PKHD1: variants seen among roughly 807,000 people sequenced by gnomAD.
The protein encoded by PKHD1 is PKHD1 ciliary IPT domain containing fibrocystin/polyductin, also known as fibrocystin.
In PKHD1, 291 loss-of-function variants were observed where a neutral mutation model predicts 412.0. The observed-to-expected ratio is 0.71, with a 90% CI of 0.64 to 0.78. The LOEUF is 0.78. Ranked by LOEUF, PKHD1 falls within the 30% of genes least tolerant of loss-of-function variation. PKHD1 has a pLI of 0.00. For missense variants in PKHD1, 4,825 were observed against 4,950.7 expected (o/e 0.97, Z 0.76); for synonymous variants, 1,777 against 1,821.5 (o/e 0.98, Z 0.62).
In PKHD1 at chr6:52,048,573, C is replaced by T; in HGVS notation, c.2326G>A (p.Val776Met). ...GTCCGCTGTCGTCTCTGTGTCGTCA[C>T]CAGGACCAGTCCAGATCCCTCTTCT... is the stretch of plus-strand genomic sequence containing the variant. ...GTEEGSGLVLVTTQRRQRTSP... is the reference protein window; with the variant it reads ...GTEEGSGLVLMTTQRRQRTSP... Residue 776 changes from valine (V) to methionine (M), a missense_variant, in exon 23 of 67, where the codon GTG becomes ATG. Transcript: ENST00000371117. 5 of 1,614,100 alleles carry T rather than the reference C, an allele frequency of 3.1e-6. No individual in the cohort carries two copies. Among genetic ancestry groups the T allele is most frequent in the Non-Finnish European group, 4.2e-6 (5 of 1,179,962 alleles).
At chr6:51,670,339 A>G (rs1774706083) in intron 60 of PKHD1, among the ~76,000 whole-genome samples, 1 of 151,988 alleles carries the variant, frequency 6.6e-6, no homozygotes, top group African/African-American at 2.4e-5. Flanking sequence ...GTTGGTTTAA[A>G]GTCTGTTTTA....
At chr6:51,735,666 C>T (rs1783748433) in intron 60 of PKHD1, among the ~76,000 whole-genome samples, 2 of 151,924 alleles carry the variant, frequency 1.3e-5, no homozygotes, top group Non-Finnish European at 2.9e-5. Flanking sequence ...TGACTCATGC[C>T]CATAATTGCA....
chr6:51,694,498 C>T (rs1489273912), intron 60 of PKHD1, among the ~76,000 whole-genome samples: 2 of 150,790 alleles, frequency 1.3e-5, no homozygotes, highest in Admixed American at 6.6e-5. Context: ...ATTCTCCTGC[C>T]TCAGCCTCCC....
chr6:51,960,066 G>C, intron 35 of PKHD1, 40 bp from the exon 36 acceptor site: 1 of 1,607,750 alleles, frequency 6.2e-7, no homozygotes, highest in Non-Finnish European at 8.5e-7. Flanking sequence ...TGGTTGGTTG[G>C]TTGGCTGGTC....
chr6:51,901,089 C>T (rs775792173), intron 43 of PKHD1, among the ~76,000 whole-genome samples: 2 of 152,194 alleles, frequency 1.3e-5, no homozygotes, highest in Middle Eastern at 6.8e-3. Context: ...ACTAGTTCAA[C>T]CATTGTGGAA....
At chr6:51,922,549 A>AGAG (rs1256586174) in intron 37 of PKHD1, among the ~76,000 whole-genome samples, 1 of 152,208 alleles carries the variant, frequency 6.6e-6, no homozygotes, top group Non-Finnish European at 1.5e-5. Context: ...CCCGAGAGGT[A>AGAG]GAGTCTACAG....
In PKHD1 at chr6:52,066,058, T is replaced by G. The variant is rs752452008; in HGVS notation, c.798A>C (p.Pro266=). ...QTHSEILSVF[P]ETGSLGGRTN... is the part of the protein sequence containing the mutation. ...TTCTTCCCCCAAGGCTCCCAGTTTC[T>G]GGAAACACAGATAATATTTCTGCAA... The change falls in exon 12 of 67, where the codon CCA becomes CCC. Residue 266 remains proline, a synonymous_variant. Transcript: ENST00000371117. The G allele has an allele frequency of 6.4e-7, 1 of 1,573,906 alleles. No individual in the cohort carries two copies. The highest frequency in any genetic ancestry group is 2.2e-5 in the East Asian group (1 of 44,550).
At position 51,843,533 on chromosome 6, in the gene PKHD1, C is replaced by T. The variant is rs1158252739; in HGVS notation, c.8107+4242G>A. Among the ~76,000 whole-genome samples the T allele has an allele frequency of 3.3e-5, 5 of 152,180 alleles. No individual in the cohort carries two copies. In the East Asian group the frequency reaches 7.7e-4, roughly 24 times the overall value. ...GCAGTGGGAAACTGGCTCTGTAAGG[C>T]AAAGACATGAGCAGTCAGGGCATCA... On this transcript the variant is annotated intron_variant, in intron 50 of 66. Transcript: ENST00000371117.
intron 29 of PKHD1, among the ~76,000 whole-genome samples, chr6:52,031,093 C>T (rs563667310): frequency 2.6e-5 from 4 of 152,338 alleles, no homozygotes; most frequent in African/African-American, 9.6e-5. Context: ...TTGGTGCTTA[C>T]TCTATGTCAA....
chr6:52,049,878 C>T (rs976569768), intron 22 of PKHD1, among the ~76,000 whole-genome samples: 2 of 152,148 alleles, frequency 1.3e-5, no homozygotes, highest in African/African-American at 4.8e-5. Flanking sequence ...GTTCTCAAAG[C>T]GTAGTCCCCA....
At chr6:51,750,530 G>A (rs1432019223) in intron 57 of PKHD1, among the ~76,000 whole-genome samples, 4 of 152,040 alleles carry the variant, frequency 2.6e-5, no homozygotes, top group Non-Finnish European at 5.9e-5. Flanking sequence ...CACGGCATGA[G>A]GGAAGGGCAT....
intron 55 of PKHD1, among the ~76,000 whole-genome samples, chr6:51,760,097 T>C (rs1383948762): frequency 2.0e-5 from 3 of 152,154 alleles, no homozygotes; most frequent in Non-Finnish European, 4.4e-5. Context: ...ACCAACTCTA[T>C]ATTCTAATAC....
chr6:51,736,259 T>C (rs1783831363), intron 60 of PKHD1, among the ~76,000 whole-genome samples: 1 of 152,220 alleles, frequency 6.6e-6, no homozygotes, highest in East Asian at 1.9e-4. Context: ...ATAGATCACA[T>C]GCCTGTTCAT....
intron 35 of PKHD1, among the ~76,000 whole-genome samples, chr6:51,962,006 A>G (rs1184555571): frequency 6.6e-6 from 1 of 152,132 alleles, no homozygotes; most frequent in African/African-American, 2.4e-5. Flanking sequence ...CTTCTGCATC[A>G]AAATTTAAGG....
rs750542025 is a variant in PKHD1 at position 52,025,979 on chromosome 6, G to A, written c.3831C>T (p.Phe1277=). The stretch of plus-strand genomic sequence containing the variant: ...AGCTTGGTGAAGGACCACGGGCGAA[G>A]AACCTGTTGCCAGCCCAGACCTCCA... The part of the protein sequence containing the change: ...AAVEVWAGNR[F]FARGPSPSLV... Residue 1277 remains phenylalanine (F), a synonymous_variant, in exon 32 of 67, where the codon TTC becomes TTT. Transcript: ENST00000371117. The A allele has an allele frequency of 1.9e-6, 3 of 1,614,140 alleles. No homozygotes were observed. Among genetic ancestry groups the A allele is most frequent in the East Asian group, 2.2e-5 (1 of 44,880 alleles).
intron 43 of PKHD1, among the ~76,000 whole-genome samples, chr6:51,899,102 T>C (rs1780730384): frequency 6.6e-6 from 1 of 152,196 alleles, no homozygotes; most frequent in Non-Finnish European, 1.5e-5. Flanking sequence ...GAGGAACTGG[T>C]ACCATTCCTT....
At chr6:51,985,536 C>G in intron 35 of PKHD1, among the ~76,000 whole-genome samples, 1 of 152,164 alleles carries the variant, frequency 6.6e-6, no homozygotes, top group East Asian at 1.9e-4. Context: ...CGAGACCCAC[C>G]TGGCCAACGT....
intron 36 of PKHD1, among the ~76,000 whole-genome samples, chr6:51,945,023 C>G (rs1170767213): frequency 6.6e-6 from 1 of 152,174 alleles, no homozygotes; most frequent in Non-Finnish European, 1.5e-5. Context: ...CAAAGGATTC[C>G]CTAACAATTT....
chr6:51,896,677 G>A (rs1319308223), intron 43 of PKHD1, among the ~76,000 whole-genome samples: 1 of 152,024 alleles, frequency 6.6e-6, no homozygotes, highest in African/African-American at 2.4e-5. Context: ...TGACTTTGAC[G>A]AGCTGAGAGA....
Sources: allele counts gnomAD v4.1 joint callset (sites outside exome capture counted in the v4.1 genomes callset), GRCh38; gene constraint gnomAD v4.1.1; transcripts MANE v1.5; gene names NCBI Gene and HGNC (gene_info 2026-07-23, HGNC 2026-07-21).